Variants in SLC45A4 observed in about 807,000 individuals in gnomAD.
SLC45A4 encodes polyamine-transporter SLC45A4.
A neutral mutation model predicts 63.7 loss-of-function variants in SLC45A4; 32 were observed. The observed-to-expected ratio is 0.50, with a 90% confidence interval of 0.38 to 0.67. The LOEUF (loss-of-function observed/expected upper bound fraction) is 0.67. Among genes scored for constraint, SLC45A4 ranks in the 30% least tolerant of loss-of-function variants. The pLI is 0.00. For synonymous variants in SLC45A4, 535 were observed against 510.0 expected (o/e 1.05, Z -0.66); for missense variants, 1,027 against 1,157.7 (o/e 0.89, Z 1.64).
At chr8:141,284,145 C>T (rs967198701) in intron 1 of SLC45A4, among the ~76,000 whole-genome samples, 1 of 152,248 alleles carries the variant, frequency 6.6e-6, no homozygotes, top group African/African-American at 2.4e-5. Context: ...ACCACCCGCA[C>T]CTAGATCAAC....
intron 8 of SLC45A4, 35 bp downstream of exon 8, chr8:141,212,158 GCCCA>G (rs1555563159): frequency 1.6e-5 from 10 of 619,300 alleles, no homozygotes; most frequent in Non-Finnish European, 1.9e-5. Flanking sequence ...CCGCCCACCC[GCCCA>G]CTGGAATGTG....
intron 1 of SLC45A4, among the ~76,000 whole-genome samples, chr8:141,271,875 G>T (rs932570748): frequency 1.3e-5 from 2 of 150,868 alleles, no homozygotes; most frequent in African/African-American, 4.9e-5. Flanking sequence ...ACTCACACAC[G>T]TGCATGCAAC....
chr8:141,239,771 C>A (rs1230139195), intron 2 of SLC45A4, among the ~76,000 whole-genome samples: 2 of 152,204 alleles, frequency 1.3e-5, no homozygotes, highest in African/African-American at 4.8e-5. Flanking sequence ...CTAAGAAGGG[C>A]TGGGCTCATG....
intron 2 of SLC45A4, among the ~76,000 whole-genome samples, chr8:141,251,714 C>G (rs1441583481): frequency 6.6e-6 from 1 of 151,876 alleles, no homozygotes; most frequent in Non-Finnish European, 1.5e-5. Context: ...TGAAAAAAGA[C>G]ACAGGATTGC....
At chr8:141,282,922 G>A (rs1265779743) in intron 1 of SLC45A4, among the ~76,000 whole-genome samples, 6 of 152,244 alleles carry the variant, frequency 3.9e-5, no homozygotes, top group African/African-American at 1.4e-4. Context: ...CACGATGTCA[G>A]CGCGGCCTCG....
Position 141,275,058 on chromosome 8 carries a change from C to T in SLC45A4, c.-400-20429G>A, listed in dbSNP as rs564527347. The stretch of plus-strand genomic sequence containing the variant: ...CTACGGGGCGTGGCGCCGGCAGGAG[C>T]CAGCTCTGAATTCCGCCAACCACAT... On this transcript the variant is annotated intron_variant, in intron 1 of 8. Coordinates refer to ENST00000517878, the MANE Select transcript of SLC45A4 (RefSeq NM_001286646.2). Among the ~76,000 whole-genome samples the T allele has an allele frequency of 2.6e-5, 4 of 152,346 alleles. No homozygotes were observed. The East Asian group carries it at 7.7e-4, about 29-fold the overall frequency.
Position 141,227,151 on chromosome 8 carries a change from T to G in SLC45A4, c.242-5386A>C, listed in dbSNP as rs559083321. ...AGTTTTGTTTTTTCCCAGGGAAAAG[T>G]TGAACAACAATGGTGAGACCAGGAA... On this transcript the variant is annotated intron_variant, in intron 2 of 8. Transcript: ENST00000517878. The surrounding 1 kb of genome is among the most constrained non-coding windows in gnomAD (Gnocchi z 4.4). Among the ~76,000 whole-genome samples the G allele has an allele frequency of 3.3e-5, 5 of 152,254 alleles. No homozygotes were observed. In the East Asian group the frequency reaches 9.7e-4, roughly 29 times the overall value.
intron 1 of SLC45A4, among the ~76,000 whole-genome samples, chr8:141,269,476 G>A (rs536554959): frequency 9.1e-4 from 139 of 151,916 alleles, no homozygotes; most frequent in South Asian, 1.3e-3. Flanking sequence ...GTGTGTGTGT[G>A]TGTGTGTGTG....
At chr8:141,220,913 C>T (rs1390233407) in intron 3 of SLC45A4, among the ~76,000 whole-genome samples, 3 of 152,264 alleles carry the variant, frequency 2.0e-5, no homozygotes, top group African/African-American at 7.2e-5. Context: ...GCCGCACCCC[C>T]ACACGCAGTC....
chr8:141,253,538 T>C (rs1483735245), intron 2 of SLC45A4, among the ~76,000 whole-genome samples: 2 of 152,220 alleles, frequency 1.3e-5, no homozygotes, highest in African/African-American at 2.4e-5. Context: ...TAGGGTTGGT[T>C]TGCGAATGCA....
intron 2 of SLC45A4, among the ~76,000 whole-genome samples, chr8:141,238,949 G>A (rs1168565740): frequency 1.3e-5 from 2 of 152,164 alleles, no homozygotes; most frequent in African/African-American, 2.4e-5. Context: ...TTCTAGTAAA[G>A]TCTCCCCAGG....
At chr8:141,266,265 T>C (rs961842544) in intron 1 of SLC45A4, among the ~76,000 whole-genome samples, 1 of 152,160 alleles carries the variant, frequency 6.6e-6, no homozygotes, top group Admixed American at 6.5e-5. Context: ...CACGCACGCA[T>C]GGGCCTGACA....
At chr8:141,266,468 C>T (rs984856428) in intron 1 of SLC45A4, among the ~76,000 whole-genome samples, 5 of 152,302 alleles carry the variant, frequency 3.3e-5, no homozygotes, top group South Asian at 2.1e-4. Context: ...CCCCCAGTCA[C>T]GGCCGGCACG....
intron 2 of SLC45A4, among the ~76,000 whole-genome samples, chr8:141,241,271 G>A (rs779346270): frequency 5.3e-5 from 8 of 152,242 alleles, no homozygotes; most frequent in African/African-American, 9.6e-5. Flanking sequence ...ACGGCTCACC[G>A]GCAACGTGGT....
intron 2 of SLC45A4, among the ~76,000 whole-genome samples, chr8:141,240,964 G>C (rs1371598836): frequency 6.6e-6 from 1 of 152,224 alleles, no homozygotes; most frequent in Non-Finnish European, 1.5e-5. Flanking sequence ...GGGAGGGGGA[G>C]TATCTTCCTG....
rs1484383493 is a variant in SLC45A4 at position 141,254,933 on chromosome 8, T to C, written c.-400-304A>G. ...ATTCACTCTTTGGCCAGTAACAATA[T>C]CGTCCACCCTGTGTACCACAGCACG... On this transcript the variant is annotated intron_variant, in intron 1 of 8. Transcript: ENST00000517878. This position sits in a 1 kb window ranked among gnomAD's most constrained non-coding sequence, Gnocchi z 4.5. Among the ~76,000 whole-genome samples the C allele has an allele frequency of 6.6e-6, 1 of 152,126 alleles. No individual in the cohort carries two copies. Among genetic ancestry groups the C allele is most frequent in the Non-Finnish European group, 1.5e-5 (1 of 68,034 alleles).
intron 2 of SLC45A4, among the ~76,000 whole-genome samples, chr8:141,236,816 C>T (rs542266009): frequency 4.6e-5 from 7 of 152,306 alleles, no homozygotes; most frequent in African/African-American, 1.4e-4. Flanking sequence ...GAGAACAGTG[C>T]GCCCTTCCTC....
chr8:141,299,729 A>G (rs1464799466), intron 1 of SLC45A4, among the ~76,000 whole-genome samples: 1 of 152,232 alleles, frequency 6.6e-6, no homozygotes, highest in Non-Finnish European at 1.5e-5. Flanking sequence ...GCCTCAGGTT[A>G]GGGCAGGAAT....
intron 1 of SLC45A4, among the ~76,000 whole-genome samples, chr8:141,298,652 G>A (rs1830643915): frequency 6.6e-6 from 1 of 152,154 alleles, no homozygotes. Flanking sequence ...CAACCCAGAG[G>A]GCAGTGCCAG....
Sources: allele counts gnomAD v4.1 joint callset (sites outside exome capture counted in the v4.1 genomes callset), GRCh38; gene constraint gnomAD v4.1.1; non-coding constraint Gnocchi (gnomAD v3.1); transcripts MANE v1.5; gene names NCBI Gene and HGNC (gene_info 2026-07-23, HGNC 2026-07-21).